Variants in OMA1 observed in about 807,000 individuals in gnomAD.
The protein encoded by OMA1 is metalloendopeptidase OMA1, mitochondrial.
In OMA1, 38 loss-of-function variants were observed where a neutral mutation model predicts 30.9. The observed-to-expected ratio is 1.23, with a 90% confidence interval of 0.95 to 1.61. The LOEUF is 1.61. Ranked by LOEUF, OMA1 falls within the 40% of genes most tolerant of loss-of-function variation. The pLI, the probability that OMA1 is intolerant of heterozygous loss-of-function variation, is 0.00. For missense variants in OMA1, 461 were observed against 349.2 expected, an observed-to-expected ratio of 1.32 and a Z score of -2.55; for synonymous variants, 173 against 121.9, an observed-to-expected ratio of 1.42 and a Z score of -2.76.
intron 8 of OMA1, among the ~76,000 whole-genome samples, chr1:58,505,325 C>T (rs7536867): frequency 0.18 from 27,089 of 152,112 alleles, 2,550 homozygotes; most frequent in Middle Eastern, 0.23. Context: ...AAAAATGTTC[C>T]GCTTTCATAA....
intron 8 of OMA1, among the ~76,000 whole-genome samples, chr1:58,495,560 T>A (rs1645785641): frequency 6.8e-6 from 1 of 146,200 alleles, no homozygotes; most frequent in African/African-American, 2.4e-5. Context: ...GCAAGCTAGT[T>A]ACAATTATAT....
intron 7 of OMA1, among the ~76,000 whole-genome samples, chr1:58,514,773 AGC>A (rs1646134472): frequency 1.3e-5 from 2 of 152,190 alleles, no homozygotes; most frequent in Non-Finnish European, 2.9e-5. Context: ...TTATTTTAGA[AGC>A]AATACTGCAG....
At chr1:58,503,384 G>T (rs1437461962) in intron 8 of OMA1, among the ~76,000 whole-genome samples, 1 of 151,960 alleles carries the variant, frequency 6.6e-6, no homozygotes, top group African/African-American at 2.4e-5. Context: ...CCTTTTAAGA[G>T]GAATAATTAC....
At chr1:58,523,553 G>T (rs182664152) in intron 7 of OMA1, among the ~76,000 whole-genome samples, 221 of 152,280 alleles carry the variant, frequency 1.5e-3, no homozygotes, top group Admixed American at 5.4e-3. Context: ...GACGCCTTCA[G>T]TGTTGAACTC....
At chr1:58,484,137 G>A (rs1221419399) in intron 8 of OMA1, among the ~76,000 whole-genome samples, 1 of 152,204 alleles carries the variant, frequency 6.6e-6, no homozygotes, top group Admixed American at 6.5e-5. Context: ...TGAGTAAGGT[G>A]CTAGGTACAC....
At chr1:58,502,107 T>A (rs1645916580) in intron 8 of OMA1, among the ~76,000 whole-genome samples, 1 of 152,234 alleles carries the variant, frequency 6.6e-6, no homozygotes, top group Non-Finnish European at 1.5e-5. Context: ...ATTTTAAAAG[T>A]TGATAAGCTA....
intron 1 of OMA1, chr1:58,542,350 G>C (rs534022138): frequency 2.0e-5 from 3 of 152,234 alleles, no homozygotes; most frequent in Non-Finnish European, 4.4e-5. Context: ...TCATTGGCTA[G>C]GGGCCATGAG....
intron 1 of OMA1, among the ~76,000 whole-genome samples, chr1:58,540,489 A>T (rs1646589159): frequency 6.6e-6 from 1 of 151,890 alleles, no homozygotes; most frequent in South Asian, 2.1e-4. Flanking sequence ...ACTATACTGC[A>T]CATGTTTAAG....
rs757853821 is a variant in OMA1, at chr1:58,536,501, C to T, written c.729+12G>A. 16 of 863,656 alleles carry T rather than the reference C, an allele frequency of 1.9e-5. No individual in the cohort carries two copies. The African/African-American group carries it at 2.5e-4, about 13-fold the overall frequency. The allele number at this position is 863,656 out of a possible 1,614,324, so 53.5% of individuals were successfully genotyped here. On this transcript the variant is annotated intron_variant, in intron 3 of 8. Coordinates refer to ENST00000371226, the MANE Select transcript of OMA1 (RefSeq NM_145243.5). ...TTAAGCAGTCTAATTAAAAACAACT[C>T]TTACTACTTACTGCTTCATATTCCA...
chr1:58,526,601 C>CAAAAAA (rs10574530), intron 7 of OMA1, among the ~76,000 whole-genome samples: 6 of 121,404 alleles, frequency 4.9e-5, no homozygotes, highest in African/African-American at 2.1e-4. Context: ...CTATGGCTAG[C>CAAAAAA]AAAAAAAAAA....
intron 7 of OMA1, among the ~76,000 whole-genome samples, chr1:58,523,201 T>C (rs780292195): frequency 3.4e-4 from 52 of 152,214 alleles, no homozygotes; most frequent in Non-Finnish European, 2.9e-5. Flanking sequence ...AAGATCTGTA[T>C]ATTGAAACCC....
chr1:58,509,526 A>C (rs1646039911), intron 7 of OMA1, among the ~76,000 whole-genome samples: 1 of 148,964 alleles, frequency 6.7e-6, no homozygotes, highest in Admixed American at 6.7e-5. Flanking sequence ...ATAATGATAA[A>C]CACCTACATT....
intron 8 of OMA1, among the ~76,000 whole-genome samples, chr1:58,491,979 A>C (rs1645702072): frequency 6.6e-6 from 1 of 152,196 alleles, no homozygotes; most frequent in East Asian, 1.9e-4. Context: ...TCAGCACCAC[A>C]CCACACCTAT....
At chr1:58,513,512 C>T (rs1034265362) in intron 7 of OMA1, among the ~76,000 whole-genome samples, 8 of 152,136 alleles carry the variant, frequency 5.3e-5, no homozygotes, top group Admixed American at 5.2e-4. Context: ...CTCTAGGTAA[C>T]CTTTCCTTCT....
At chr1:58,544,308 A>T (rs1203725333) in intron 1 of OMA1, among the ~76,000 whole-genome samples, 1 of 152,230 alleles carries the variant, frequency 6.6e-6, no homozygotes, top group Non-Finnish European at 1.5e-5. Context: ...ACTAAATGCT[A>T]GGCACCATAA....
chr1:58,502,578 T>C (rs934938588), intron 8 of OMA1, among the ~76,000 whole-genome samples: 3 of 152,230 alleles, frequency 2.0e-5, no homozygotes, highest in Non-Finnish European at 4.4e-5. Flanking sequence ...AGGTAGAACA[T>C]AACATACTCA....
intron 7 of OMA1, among the ~76,000 whole-genome samples, chr1:58,522,434 G>A (rs1646279676): frequency 6.6e-6 from 1 of 152,094 alleles, no homozygotes; most frequent in Non-Finnish European, 1.5e-5. Flanking sequence ...TGATAAAAAA[G>A]TATCTATAAA....
intron 7 of OMA1, among the ~76,000 whole-genome samples, chr1:58,514,935 C>T (rs1646136873): frequency 6.6e-6 from 1 of 152,120 alleles, no homozygotes; most frequent in Non-Finnish European, 1.5e-5. Context: ...TTTACCTATA[C>T]CTCACAGGGT....
At chr1:58,513,258 G>A (rs1646109329) in intron 7 of OMA1, among the ~76,000 whole-genome samples, 1 of 152,154 alleles carries the variant, frequency 6.6e-6, no homozygotes, top group Non-Finnish European at 1.5e-5. Flanking sequence ...TGCTATGTAA[G>A]ACATACCTGC....
Sources: gnomAD v4.1 joint callset for allele counts (sites outside exome capture counted in the v4.1 genomes callset) on GRCh38, gnomAD v4.1.1 for gene constraint, MANE v1.5 for transcripts, NCBI Gene and HGNC (gene_info 2026-07-23, HGNC 2026-07-21) for gene names.